Variants in DIAPH2 observed in about 807,000 individuals in gnomAD.
The protein encoded by DIAPH2 is protein diaphanous homolog 2.
In DIAPH2, 35 loss-of-function variants were observed where a neutral mutation model predicts 92.7. That is an observed-to-expected ratio of 0.38 (90% CI 0.29 to 0.50). The LOEUF is 0.50. DIAPH2 is among the 20% of genes least tolerant of loss of function. The pLI, the probability that DIAPH2 is intolerant of heterozygous loss-of-function variation, is 0.94. For synonymous variants in DIAPH2, 301 were observed against 280.4 expected (o/e 1.07, Z -0.73); for missense variants, 701 against 819.5 (o/e 0.86, Z 1.77).
intron 20 of DIAPH2, 90 bp downstream of exon 20, chrX:97,099,885 TA>T (rs1243210484): frequency 2.4e-6 from 1 of 410,350 alleles, no homozygotes; most frequent in African/African-American, 2.6e-5. Context: ...AGTTGTCAAT[TA>T]TTTTTTCATT....
chrX:96,914,589 G>A (rs1156958741), intron 7 of DIAPH2, among the ~76,000 whole-genome samples: 3 of 110,467 alleles, frequency 2.7e-5, no homozygotes, highest in African/African-American at 6.6e-5. Context: ...GTCAATTGTC[G>A]TGGCTTTTCA....
intron 26 of DIAPH2, chrX:97,533,226 C>T (rs2071072793): frequency 9.0e-6 from 1 of 111,125 alleles, no homozygotes; most frequent in African/African-American, 3.3e-5. Context: ...AGCAAAGTTA[C>T]CAAATTCAGG....
chrX:96,980,998 CAAA>C (rs1204120424), intron 17 of DIAPH2, among the ~76,000 whole-genome samples: 1 of 45,512 alleles, frequency 2.2e-5, no homozygotes, highest in African/African-American at 9.3e-5. Context: ...CCATCTCTAC[CAAA>C]AAAAAAAAAA....
At chrX:96,968,488 G>A (rs1285230892) in intron 17 of DIAPH2, among the ~76,000 whole-genome samples, 5 of 111,496 alleles carry the variant, frequency 4.5e-5, no homozygotes, top group African/African-American at 9.8e-5. Flanking sequence ...CAAAGTGCTG[G>A]GATTACAGGC....
At chrX:96,719,863 A>G (rs1187091658) in intron 1 of DIAPH2, among the ~76,000 whole-genome samples, 2 of 112,388 alleles carry the variant, frequency 1.8e-5, no homozygotes, top group Non-Finnish European at 1.9e-5. Context: ...AAAAACAAAA[A>G]CAAAAGTAAA....
intron 5 of DIAPH2, among the ~76,000 whole-genome samples, chrX:96,896,579 A>T (rs1246409806): frequency 8.9e-6 from 1 of 112,176 alleles, no homozygotes; most frequent in East Asian, 2.8e-4. Flanking sequence ...AGAAAAATCC[A>T]TGTTTTTAAT....
chrX:97,239,501 C>T (rs754189364), intron 22 of DIAPH2, among the ~76,000 whole-genome samples: 3 of 111,042 alleles, frequency 2.7e-5, no homozygotes, highest in African/African-American at 6.5e-5. Context: ...ATAAAGAACC[C>T]GATAGCTATA....
At chrX:97,351,522 A>G (rs969006407) in intron 24 of DIAPH2, among the ~76,000 whole-genome samples, 11 of 112,245 alleles carry the variant, frequency 9.8e-5, no homozygotes, top group Admixed American at 4.7e-4. Flanking sequence ...TTCATAGAAA[A>G]AGTGACATTA....
Position 97,024,834 on chromosome X carries a change from A to C in DIAPH2, c.2051-48107A>C, listed in dbSNP as rs1255168152. Among the ~76,000 whole-genome samples, 4 of 112,044 alleles carry C rather than the reference A, an allele frequency of 3.6e-5. No homozygotes were observed. In the East Asian group the frequency reaches 1.1e-3, roughly 32 times the overall value. On this transcript the variant is annotated intron_variant, in intron 17 of 26. Transcript: ENST00000324765. ...CTGTTAAAAACAGATTAACTCATCA[A>C]TTCTGACCAAATCTTCTTAAGAAGG...
intron 21 of DIAPH2, among the ~76,000 whole-genome samples, chrX:97,129,609 G>A (rs1004642516): frequency 1.8e-5 from 2 of 111,587 alleles, no homozygotes; most frequent in Non-Finnish European, 3.8e-5. Context: ...TAAAGTAGAG[G>A]TAAGAATAAG....
chrX:97,112,203 C>T, intron 20 of DIAPH2, among the ~76,000 whole-genome samples: 1 of 111,700 alleles, frequency 9.0e-6, no homozygotes, highest in East Asian at 2.8e-4. Context: ...CCACATATGC[C>T]TAAGGGTTTT....
intron 1 of DIAPH2, among the ~76,000 whole-genome samples, chrX:96,718,634 G>A (rs749507811): frequency 3.6e-5 from 4 of 110,924 alleles, no homozygotes; most frequent in East Asian, 5.7e-4. Context: ...GATTACAGGC[G>A]TGAGCCACTG....
intron 23 of DIAPH2, among the ~76,000 whole-genome samples, chrX:97,318,402 G>C (rs1174702883): frequency 9.3e-6 from 1 of 107,939 alleles, no homozygotes; most frequent in African/African-American, 3.4e-5. Flanking sequence ...CTCTCAAAGT[G>C]CTGGGATTAC....
Position 97,600,562 on chromosome X carries a change from C to T in DIAPH2, c.*1245C>T, listed in dbSNP as rs1466010995. 1 of 112,113 alleles carries T rather than the reference C, an allele frequency of 8.9e-6. No individual in the cohort carries two copies. The highest frequency in any genetic ancestry group is 3.2e-5 in the African/African-American group (1 of 30,775). The allele number at this position is 112,113 out of a possible 1,213,427, so 9.2% of individuals were successfully genotyped here. A position where few individuals can be genotyped will look rare whatever the true frequency, so the allele number is the denominator to read the frequency against. ...ACAAGTCTAGCAGGGAAAACAGGTTCTACATTTTTCTTAAATAAATTAGGG... is the reference window on the plus strand; with the variant it reads ...ACAAGTCTAGCAGGGAAAACAGGTTTTACATTTTTCTTAAATAAATTAGGG... On this transcript the variant is annotated 3_prime_UTR_variant, in exon 27 of 27. Coordinates refer to ENST00000324765, the MANE Select transcript of DIAPH2 (RefSeq NM_006729.5).
chrX:96,919,144 CTAGATGGTTTCAGG>C (rs1219048621), intron 9 of DIAPH2, among the ~76,000 whole-genome samples: 1 of 112,119 alleles, frequency 8.9e-6, no homozygotes, highest in Non-Finnish European at 1.9e-5. Flanking sequence ...CTATCTTTAC[CTAGATGGTTTCAGG>C]AAATGATCCA....
intron 4 of DIAPH2, among the ~76,000 whole-genome samples, chrX:96,794,254 C>G (rs1457665126): frequency 1.8e-5 from 2 of 111,359 alleles, no homozygotes; most frequent in Admixed American, 1.9e-4. Context: ...ACTCTTAATA[C>G]TATTACATTG....
chrX:97,503,521 C>G (rs2070812622), intron 26 of DIAPH2, among the ~76,000 whole-genome samples: 1 of 111,980 alleles, frequency 8.9e-6, no homozygotes, highest in Admixed American at 9.5e-5. Context: ...ATGTAGCAAA[C>G]TAACGACAGT....
In DIAPH2 at chrX:96,978,849, C is replaced by T. The variant is rs920277526; in HGVS notation, c.2050+13642C>T. On this transcript the variant is annotated intron_variant, in intron 17 of 26. Coordinates refer to ENST00000324765, the MANE Select transcript of DIAPH2 (RefSeq NM_006729.5). ...GTTGTGGTCCTGTGTGAAGGCTTGA[C>T]TGGTGAATGATTTGTTCCTAAGCTC... 3.6e-5 allele frequency among the ~76,000 whole-genome samples: 4 copies of T among 110,793 alleles called. No individual in the cohort carries two copies. In the South Asian group the frequency reaches 1.2e-3, roughly 32 times the overall value.
intron 22 of DIAPH2, among the ~76,000 whole-genome samples, chrX:97,181,394 A>G (rs181682003): frequency 1.9e-5 from 2 of 107,600 alleles, no homozygotes; most frequent in Non-Finnish European, 3.9e-5. Flanking sequence ...GCATGAGTAT[A>G]TGTGTTGTTG....
Sources: allele counts gnomAD v4.1 joint callset (sites outside exome capture counted in the v4.1 genomes callset), GRCh38; gene constraint gnomAD v4.1.1; transcripts MANE v1.5; gene names NCBI Gene and HGNC (gene_info 2026-07-23, HGNC 2026-07-21).